The following CTNND2 variants were observed in gnomAD, a reference collection of about 807,000 sequenced individuals.
The protein encoded by CTNND2 is catenin delta-2.
Under a neutral mutation model 144.4 loss-of-function variants are expected in CTNND2, and 22 were observed. The observed-to-expected ratio is 0.15, with a 90% CI of 0.11 to 0.22. The LOEUF is 0.22. Ranked by LOEUF, CTNND2 falls within the 10% of genes least tolerant of loss-of-function variation. The pLI is 1.00. For missense variants in CTNND2, 1,353 were observed against 1,618.8 expected, an observed-to-expected ratio of 0.84 and a Z score of 2.82; for synonymous variants, 751 against 695.6, an observed-to-expected ratio of 1.08 and a Z score of -1.25.
chr5:11,794,097 G>A (rs1340857694), intron 1 of CTNND2, among the ~76,000 whole-genome samples: 1 of 152,248 alleles, frequency 6.6e-6, no homozygotes, highest in Admixed American at 6.5e-5. Context: ...CACCTTGGGA[G>A]GGGCTGCCCC....
chr5:11,825,126 T>G (rs1348629317), intron 1 of CTNND2, among the ~76,000 whole-genome samples: 1 of 151,646 alleles, frequency 6.6e-6, no homozygotes, highest in Non-Finnish European at 1.5e-5. Flanking sequence ...TACCAGGAAA[T>G]AAAAAAATAA....
intron 9 of CTNND2, among the ~76,000 whole-genome samples, chr5:11,247,372 C>G (rs144499253): frequency 4.3e-4 from 65 of 152,262 alleles, no homozygotes; most frequent in African/African-American, 1.5e-3. Flanking sequence ...CTATGCAAAG[C>G]CTACTCCACG....
In CTNND2 at chr5:11,903,980, C is replaced by G; in HGVS notation, c.-127G>C. The G allele has an allele frequency of 8.7e-7, 1 of 1,149,224 alleles. No individual in the cohort carries two copies. Among genetic ancestry groups the G allele is most frequent in the Non-Finnish European group, 1.1e-6 (1 of 901,130 alleles). The allele number at this position is 1,149,224 out of a possible 1,614,324, so 71.2% of individuals were successfully genotyped here. ...CGCTTTTGTTGTCTGAGCGCGGCCG[C>G]GGGACAAGGGATGCTGGCGGGCGGC... On this transcript the variant is annotated 5_prime_UTR_variant, in exon 1 of 22. Transcript: ENST00000304623. This position sits in a 1 kb window ranked among gnomAD's most constrained non-coding sequence, Gnocchi z 5.4.
At chr5:11,717,207 T>C (rs1171930237) in intron 2 of CTNND2, among the ~76,000 whole-genome samples, 1 of 151,894 alleles carries the variant, frequency 6.6e-6, no homozygotes, top group African/African-American at 2.4e-5. Context: ...TGTTATGAAA[T>C]AGTGATTTTT....
At chr5:11,210,810 C>T (rs962121897) in intron 10 of CTNND2, among the ~76,000 whole-genome samples, 1 of 152,132 alleles carries the variant, frequency 6.6e-6, no homozygotes, top group African/African-American at 2.4e-5. Flanking sequence ...GCTTGTTTGG[C>T]AAATGTTTCC....
intron 2 of CTNND2, among the ~76,000 whole-genome samples, chr5:11,590,214 T>A (rs1030102317): frequency 5.9e-5 from 9 of 151,834 alleles, no homozygotes; most frequent in Non-Finnish European, 1.3e-4. Context: ...CCCGGGTAAT[T>A]TTTTGTATTT....
intron 3 of CTNND2, among the ~76,000 whole-genome samples, chr5:11,520,241 T>A (rs2150038939): frequency 6.6e-6 from 1 of 152,284 alleles, no homozygotes; most frequent in East Asian, 1.9e-4. Flanking sequence ...ATCTGCTTTG[T>A]CTGCATGCTG....
chr5:11,706,478 A>G (rs1023714408), intron 2 of CTNND2, among the ~76,000 whole-genome samples: 2 of 152,182 alleles, frequency 1.3e-5, no homozygotes, highest in Non-Finnish European at 2.9e-5. Context: ...TCTTAGGTAT[A>G]AAGTTTAACA....
chr5:11,726,187 C>T (rs1238099847), intron 2 of CTNND2, among the ~76,000 whole-genome samples: 3 of 151,960 alleles, frequency 2.0e-5, no homozygotes, highest in Non-Finnish European at 4.4e-5. Flanking sequence ...TCTTTTCATA[C>T]TGTGAAAATG....
intron 8 of CTNND2, among the ~76,000 whole-genome samples, chr5:11,364,301 T>C (rs1029516687): frequency 3.9e-5 from 6 of 152,178 alleles, no homozygotes; most frequent in Non-Finnish European, 7.4e-5. Context: ...GCTTGCCAAA[T>C]AGGTAGACAA....
chr5:11,404,174 T>C (rs1392972728), intron 5 of CTNND2, among the ~76,000 whole-genome samples: 1 of 152,110 alleles, frequency 6.6e-6, no homozygotes, highest in African/African-American at 2.4e-5. Flanking sequence ...AAAACATTCG[T>C]GTGAGAAAAA....
At chr5:11,214,349 A>G (rs559339409) in intron 10 of CTNND2, among the ~76,000 whole-genome samples, 3 of 152,338 alleles carry the variant, frequency 2.0e-5, no homozygotes, top group African/African-American at 7.2e-5. Flanking sequence ...AATACAGGCT[A>G]TATAAATACC....
intron 3 of CTNND2, among the ~76,000 whole-genome samples, chr5:11,437,138 C>T (rs31823): frequency 1.3e-5 from 2 of 152,136 alleles, no homozygotes; most frequent in African/African-American, 4.8e-5. Flanking sequence ...TTATGTATTT[C>T]CATCTTTTTA....
chr5:11,563,458 C>T (rs1561561303), intron 3 of CTNND2, among the ~76,000 whole-genome samples: 2 of 152,172 alleles, frequency 1.3e-5, no homozygotes, highest in Non-Finnish European at 1.5e-5. Flanking sequence ...TTCTCTCTCC[C>T]TAAATTCACC....
intron 3 of CTNND2, among the ~76,000 whole-genome samples, chr5:11,452,484 C>T (rs1765388968): frequency 6.6e-6 from 1 of 152,184 alleles, no homozygotes; most frequent in Non-Finnish European, 1.5e-5. Context: ...AGTGCTCCTT[C>T]CTCCCAGGAA....
intron 3 of CTNND2, among the ~76,000 whole-genome samples, chr5:11,547,021 C>T (rs982570305): frequency 6.6e-6 from 1 of 152,112 alleles, no homozygotes; most frequent in Non-Finnish European, 1.5e-5. Context: ...ACCTGTACAG[C>T]ACTTTCGGAG....
intron 16 of CTNND2, among the ~76,000 whole-genome samples, chr5:11,063,208 A>G (rs1470689544): frequency 6.6e-6 from 1 of 152,190 alleles, no homozygotes; most frequent in Admixed American, 6.6e-5. Flanking sequence ...TTAAATCTAT[A>G]AAAACAACAA....
At chr5:11,074,595 C>T (rs1748711492) in intron 16 of CTNND2, among the ~76,000 whole-genome samples, 1 of 152,114 alleles carries the variant, frequency 6.6e-6, no homozygotes, top group African/African-American at 2.4e-5. Context: ...TTTAGAATTC[C>T]TAGATTCCAT....
At chr5:11,262,313 A>C (rs537917460) in intron 9 of CTNND2, among the ~76,000 whole-genome samples, 3 of 152,260 alleles carry the variant, frequency 2.0e-5, no homozygotes, top group Admixed American at 2.0e-4. Context: ...GAAGGTAACC[A>C]ATGTGCTTTT....
Sources: allele counts gnomAD v4.1 joint callset (sites outside exome capture counted in the v4.1 genomes callset), GRCh38; gene constraint gnomAD v4.1.1; non-coding constraint Gnocchi (gnomAD v3.1); transcripts MANE v1.5; gene names NCBI Gene and HGNC (gene_info 2026-07-23, HGNC 2026-07-21).